Variants in CALN1 observed in about 807,000 individuals in gnomAD.
CALN1 encodes the protein calcium-binding protein 8.
In CALN1, 17 loss-of-function variants were observed where a neutral mutation model predicts 30.6. The observed-to-expected ratio is 0.56, with a 90% confidence interval of 0.38 to 0.83. CALN1 has a LOEUF of 0.83. CALN1 is among the 40% of genes least tolerant of loss of function. The pLI, the probability that CALN1 is intolerant of heterozygous loss-of-function variation, is 0.00. For missense variants in CALN1, 291 were observed against 354.9 expected (o/e 0.82, Z 1.45); for synonymous variants, 156 against 131.4 (o/e 1.19, Z -1.28).
chr7:71,813,272 T>C (rs532690081), intron 5 of CALN1, among the ~76,000 whole-genome samples: 1 of 152,320 alleles, frequency 6.6e-6, no homozygotes, highest in South Asian at 2.1e-4. Context: ...TTCGAACTCC[T>C]GGCCTCAAGC....
chr7:72,169,225 CA>C (rs553546919), intron 3 of CALN1, among the ~76,000 whole-genome samples: 21 of 150,412 alleles, frequency 1.4e-4, no homozygotes, highest in Non-Finnish European at 2.1e-4. Context: ...GAACTTAAGA[CA>C]AAAAAAAAGC....
chr7:72,448,942 C>A (rs536369316), upstream of CALN1, among the ~76,000 whole-genome samples: 5 of 152,010 alleles, frequency 3.3e-5, no homozygotes, highest in Non-Finnish European at 5.9e-5. Context: ...CTCATAAGCA[C>A]GTGAAATAAA....
chr7:72,289,991 T>C (rs915575221), intron 2 of CALN1, among the ~76,000 whole-genome samples: 2 of 145,818 alleles, frequency 1.4e-5, no homozygotes, highest in Non-Finnish European at 3.0e-5. Context: ...GGTTGGAGAA[T>C]CGCTTAAGCC....
chr7:72,368,728 T>C (rs77414011), intron 2 of CALN1, among the ~76,000 whole-genome samples: 2,056 of 151,216 alleles, frequency 0.014, 59 homozygotes, highest in African/African-American at 0.047. Flanking sequence ...AAGTGAAAAA[T>C]GACACTTCAA....
chr7:72,324,559 A>AAGTTATTT (rs1554371412), intron 2 of CALN1, among the ~76,000 whole-genome samples: 1 of 129,870 alleles, frequency 7.7e-6, no homozygotes, highest in African/African-American at 2.7e-5. Flanking sequence ...TAAATGATGT[A>AAGTTATTT]ATTTATTTAT....
At chr7:72,479,160 G>A in the CALN1 span, among the ~76,000 whole-genome samples, 5 of 152,284 alleles carry the variant, frequency 3.3e-5, no homozygotes, top group East Asian at 7.7e-4. Context: ...GATTACAGGC[G>A]TGAGCCACTG....
chr7:71,970,204 G>A (rs908021812), intron 5 of CALN1, among the ~76,000 whole-genome samples: 1 of 152,130 alleles, frequency 6.6e-6, no homozygotes, highest in Non-Finnish European at 1.5e-5. Flanking sequence ...TCCGAGAAAA[G>A]ACAGAGTTTC....
rs1216191464 is a variant in CALN1, at chr7:71,828,495, C to T, written c.502-18003G>A. On this transcript the variant is annotated intron_variant, in intron 5 of 6. Coordinates refer to ENST00000395275, the MANE Select transcript of CALN1 (RefSeq NM_031468.4). ...TACTGAGCTAAAGGGAAAATTCAAG[C>T]TTGGAACTGGTCAGGGCAAATCTGC... 2.0e-5 allele frequency among the ~76,000 whole-genome samples: 3 copies of T among 152,132 alleles called. No homozygotes were observed. In the East Asian group the frequency reaches 5.8e-4, roughly 29 times the overall value.
chr7:71,844,658 T>A (rs1790126103), intron 5 of CALN1, among the ~76,000 whole-genome samples: 1 of 152,138 alleles, frequency 6.6e-6, no homozygotes, highest in Admixed American at 6.6e-5. Context: ...AAGAGGGAAC[T>A]GTAACACTTA....
intron 2 of CALN1, among the ~76,000 whole-genome samples, chr7:72,352,037 G>A (rs1346287457): frequency 2.0e-5 from 3 of 152,164 alleles, no homozygotes; most frequent in Non-Finnish European, 4.4e-5. Context: ...CCAGCACTTT[G>A]GGAAGCCAAG....
intron 5 of CALN1, among the ~76,000 whole-genome samples, chr7:71,833,914 A>C (rs1022126383): frequency 2.6e-5 from 4 of 151,996 alleles, no homozygotes; most frequent in African/African-American, 9.7e-5. Flanking sequence ...TCTCTTAAAA[A>C]ACAAAAAAAA....
rs753498969 is a variant in CALN1, at chr7:72,106,264, C to T, written c.275G>A (p.Arg92Gln). The T allele has an allele frequency of 9.3e-6, 15 of 1,614,016 alleles. No homozygotes were observed. The highest frequency in any genetic ancestry group is 1.2e-5 in the Non-Finnish European group (14 of 1,180,004). The change falls in exon 4 of 7, where the codon CGG becomes CAG. Residue 92 changes from arginine to glutamine, a missense_variant. Transcript: ENST00000395275. ...EIREAFRVLDRDGNGFISKQE... is the reference protein window; with the variant it reads ...EIREAFRVLDQDGNGFISKQE... ...CTTGGAGATGAAGCCGTTCCCATCCCGGTCCAGAACCCGAAAGGCCTCTCG... is the reference window on the plus strand; with the variant it reads ...CTTGGAGATGAAGCCGTTCCCATCCTGGTCCAGAACCCGAAAGGCCTCTCG...
chr7:72,243,055 G>C (rs1179210461), intron 3 of CALN1, among the ~76,000 whole-genome samples: 1 of 152,150 alleles, frequency 6.6e-6, no homozygotes, highest in African/African-American at 2.4e-5. Flanking sequence ...CCAGATAAAG[G>C]GAAGTGATGC....
chr7:72,183,009 C>A (rs1239296924), intron 3 of CALN1, among the ~76,000 whole-genome samples: 1 of 152,052 alleles, frequency 6.6e-6, no homozygotes, highest in Non-Finnish European at 1.5e-5. Flanking sequence ...AGTTGTCAAG[C>A]AAAAGTAATA....
intron 3 of CALN1, among the ~76,000 whole-genome samples, chr7:72,123,066 C>T (rs931778129): frequency 1.3e-5 from 2 of 152,106 alleles, no homozygotes; most frequent in African/African-American, 2.4e-5. Flanking sequence ...AGCCAGGGAG[C>T]GGACTGGGGG....
chr7:71,856,511 C>T (rs1790955003), intron 5 of CALN1, among the ~76,000 whole-genome samples: 1 of 151,990 alleles, frequency 6.6e-6, no homozygotes, highest in African/African-American at 2.4e-5. Context: ...AAAAACATTA[C>T]TTATTATATG....
rs912226222 is a variant in CALN1 at position 72,278,020 on chromosome 7, A to G, written c.244+666T>C. On this transcript the variant is annotated intron_variant, in intron 3 of 6. Transcript: ENST00000395275. ...TAATCCTCTATTCCGGGGGGGGGGG[A>G]CTTGTTTTTCCTATTTTTAATTAGA... Among the ~76,000 whole-genome samples the G allele has an allele frequency of 7.1e-3, 532 of 74,616 alleles. 5 individuals are homozygous for G. Among genetic ancestry groups the G allele is most frequent in the South Asian group, 0.011 (21 of 1,842 alleles). The allele number at this position is 74,616 out of a possible 152,430, so 49.0% of individuals were successfully genotyped here. A position where few individuals can be genotyped will look rare whatever the true frequency, so the allele number is the denominator to read the frequency against.
chr7:72,092,081 T>G, intron 4 of CALN1, among the ~76,000 whole-genome samples: 1 of 152,364 alleles, frequency 6.6e-6, no homozygotes, highest in Non-Finnish European at 1.5e-5. Context: ...ATATTTACTT[T>G]TCATATCTAG....
intron 5 of CALN1, among the ~76,000 whole-genome samples, chr7:71,944,614 A>AAAAG (rs1562925197): frequency 1.2e-4 from 18 of 150,868 alleles, no homozygotes; most frequent in Admixed American, 3.3e-4. Flanking sequence ...AAAAAAAAAA[A>AAAAG]AAAGAAAGAA....
Sources: allele counts gnomAD v4.1 joint callset (sites outside exome capture counted in the v4.1 genomes callset), GRCh38; gene constraint gnomAD v4.1.1; transcripts MANE v1.5; gene names NCBI Gene and HGNC (gene_info 2026-07-23, HGNC 2026-07-21).